Variants in OPCML observed in about 807,000 individuals in gnomAD.
OPCML encodes the protein opioid-binding protein/cell adhesion molecule.
OPCML carries 13 observed loss-of-function variants against 37.8 expected under a neutral mutation model. The observed-to-expected ratio is 0.34, with a 90% CI of 0.22 to 0.55. OPCML has a LOEUF of 0.55. Among genes scored for constraint, OPCML ranks in the 20% least tolerant of loss-of-function variants. The pLI is 0.91. For synonymous variants in OPCML, 176 were observed against 168.8 expected, an observed-to-expected ratio of 1.04 and a Z score of -0.33; for missense variants, 341 against 435.6, an observed-to-expected ratio of 0.78 and a Z score of 1.93.
At chr11:133,202,521 C>T (rs1184733637) in intron 1 of OPCML, among the ~76,000 whole-genome samples, 8 of 152,216 alleles carry the variant, frequency 5.3e-5, no homozygotes, top group Admixed American at 5.2e-4. Flanking sequence ...CAGTAGACCA[C>T]TCCACAGCAG....
At chr11:133,025,117 A>C (rs1053169109) in intron 1 of OPCML, 3 of 704,004 alleles carry the variant, frequency 4.3e-6, no homozygotes, top group Non-Finnish European at 3.5e-6. Context: ...AGGGAGGAAA[A>C]TGGGATTGAT....
chr11:133,286,338 C>T (rs1342389176), intron 1 of OPCML, among the ~76,000 whole-genome samples: 5 of 151,704 alleles, frequency 3.3e-5, no homozygotes, highest in Admixed American at 2.6e-4. Flanking sequence ...GGCGTGGTGG[C>T]GGGCGCCTAT....
At chr11:133,342,344 C>A (rs1194360382) in intron 1 of OPCML, among the ~76,000 whole-genome samples, 1 of 152,182 alleles carries the variant, frequency 6.6e-6, no homozygotes, top group Non-Finnish European at 1.5e-5. Flanking sequence ...ACAGGAAACA[C>A]CGCGCCCCGC....
rs1939022741 is a variant in OPCML at position 133,205,446 on chromosome 11, G to T, written c.62-262436C>A. Among the ~76,000 whole-genome samples, 3 of 152,192 alleles carry T rather than the reference G, an allele frequency of 2.0e-5. No homozygotes were observed. The highest frequency in any genetic ancestry group is 4.1e-4 in the South Asian group (2 of 4,832). ...ATGAATTAAACCTGAAGAGGTGGGG[G>T]CTGGGAACGCTGATCAGCAGCACTG... On this transcript the variant is annotated intron_variant, in intron 1 of 7. Coordinates refer to ENST00000524381, the MANE Select transcript of OPCML (RefSeq NM_001012393.5). This position sits in a 1 kb window ranked among gnomAD's most constrained non-coding sequence, Gnocchi z 4.8.
Position 133,517,496 on chromosome 11 carries a change from G to A in OPCML, c.61+14768C>T, listed in dbSNP as rs556611528. Among the ~76,000 whole-genome samples the A allele has an allele frequency of 9.2e-5, 14 of 152,326 alleles. 1 individual carries two copies. In the East Asian group the frequency reaches 2.7e-3, roughly 29 times the overall value. ...GCGGAATTCCTCTGGTTGATAAAGG[G>A]CAACAGGGAGTCAGGGAGTGGGGGC... On this transcript the variant is annotated intron_variant, in intron 1 of 7. Transcript: ENST00000524381.
At chr11:133,006,753 T>A in intron 1 of OPCML, 1 of 985,434 alleles carries the variant, frequency 1.0e-6, no homozygotes, top group South Asian at 4.7e-5. Flanking sequence ...CACCTAGACA[T>A]TGGCCTGACA....
At chr11:132,950,027 T>A (rs1433112162) in intron 1 of OPCML, among the ~76,000 whole-genome samples, 1 of 152,128 alleles carries the variant, frequency 6.6e-6, no homozygotes, top group Non-Finnish European at 1.5e-5. Flanking sequence ...ACAAACACCA[T>A]AGAGGCATAT....
chr11:133,070,787 A>G (rs1948520416), intron 1 of OPCML, among the ~76,000 whole-genome samples: 1 of 152,200 alleles, frequency 6.6e-6, no homozygotes, highest in Admixed American at 6.5e-5. Context: ...AAATTGTACC[A>G]GGGATAAAGA....
At chr11:133,092,162 G>A (rs1307222880) in intron 1 of OPCML, among the ~76,000 whole-genome samples, 1 of 152,124 alleles carries the variant, frequency 6.6e-6, no homozygotes, top group Non-Finnish European at 1.5e-5. Flanking sequence ...AGGAGGCAAC[G>A]GGGCACTACA....
chr11:133,362,732 T>A lies in OPCML; in HGVS notation c.61+169532A>T, dbSNP rs983458950. On this transcript the variant is annotated intron_variant, in intron 1 of 7. Transcript: ENST00000524381. ...GGGAATCCAGAATTGAGAAATGAAC[T>A]CCACCAAGATGGAAGGATAAGAGGA... Among the ~76,000 whole-genome samples, 3 of 151,910 alleles carry A rather than the reference T, an allele frequency of 2.0e-5. No individual in the cohort carries two copies. The South Asian group carries it at 6.2e-4, about 32-fold the overall frequency.
At chr11:133,010,760 C>T (rs1196190707) in intron 1 of OPCML, among the ~76,000 whole-genome samples, 2 of 152,118 alleles carry the variant, frequency 1.3e-5, no homozygotes, top group East Asian at 1.9e-4. Context: ...AAGAATATCT[C>T]GAGAAGCTAG....
intron 2 of OPCML, among the ~76,000 whole-genome samples, chr11:132,781,307 A>C (rs1201992472): frequency 6.6e-6 from 1 of 152,058 alleles, no homozygotes; most frequent in African/African-American, 2.4e-5. Context: ...CCGAAGACCC[A>C]AATAGGACAG....
chr11:133,059,886 T>C (rs558471465), intron 1 of OPCML, among the ~76,000 whole-genome samples: 1 of 152,360 alleles, frequency 6.6e-6, no homozygotes, highest in Non-Finnish European at 1.5e-5. Flanking sequence ...CAGTATCCAC[T>C]GCCAGTGTTC....
At chr11:132,531,553 T>C (rs1161261237) in intron 3 of OPCML, among the ~76,000 whole-genome samples, 2 of 152,156 alleles carry the variant, frequency 1.3e-5, no homozygotes, top group Non-Finnish European at 2.9e-5. Flanking sequence ...GAGTAAAAAG[T>C]AGAACATTTG....
At chr11:133,032,115 C>G (rs1239807182) in intron 1 of OPCML, among the ~76,000 whole-genome samples, 1 of 152,182 alleles carries the variant, frequency 6.6e-6, no homozygotes, top group Non-Finnish European at 1.5e-5. Context: ...CCAATCTCCT[C>G]TGTAAACAGA....
intron 2 of OPCML, among the ~76,000 whole-genome samples, chr11:132,853,578 A>C (rs546324083): frequency 1.3e-5 from 2 of 152,302 alleles, no homozygotes; most frequent in East Asian, 3.9e-4. Flanking sequence ...CTATCACCCC[A>C]CAAAAAAATC....
At chr11:132,779,562 G>T (rs577827003) in intron 2 of OPCML, among the ~76,000 whole-genome samples, 6 of 151,424 alleles carry the variant, frequency 4.0e-5, no homozygotes, top group African/African-American at 7.3e-5. Flanking sequence ...CAGAAGGGGG[G>T]CGTGGGGAGA....
At chr11:132,904,703 C>T (rs549378605) in intron 2 of OPCML, among the ~76,000 whole-genome samples, 57 of 152,274 alleles carry the variant, frequency 3.7e-4, no homozygotes, top group African/African-American at 1.3e-3. Flanking sequence ...CTGCAGATGG[C>T]CGTGCACTTA....
intron 2 of OPCML, among the ~76,000 whole-genome samples, chr11:132,928,204 A>G (rs1369265354): frequency 2.0e-5 from 3 of 152,036 alleles, no homozygotes; most frequent in Non-Finnish European, 4.4e-5. Context: ...GGATTAAAAA[A>G]CAGCATCCAA....
Sources: gnomAD v4.1 joint callset for allele counts (sites outside exome capture counted in the v4.1 genomes callset) on GRCh38, gnomAD v4.1.1 for gene constraint, Gnocchi (gnomAD v3.1) non-coding constraint, MANE v1.5 for transcripts, NCBI Gene and HGNC (gene_info 2026-07-23, HGNC 2026-07-21) for gene names.